The following LASP1 variants were observed in gnomAD, a reference collection of about 807,000 sequenced individuals.
LASP1 encodes the protein LIM and SH3 protein 1, also known as LIM and SH3 domain protein 1.
In LASP1, 10 loss-of-function variants were observed where a neutral mutation model predicts 38.6. The observed-to-expected ratio is 0.26, with a 90% CI of 0.16 to 0.44. The LOEUF is 0.44. Ranked by LOEUF, LASP1 falls within the 20% of genes least tolerant of loss-of-function variation. The pLI is 1.00. For synonymous variants in LASP1, 132 were observed against 140.8 expected (o/e 0.94, Z 0.44); for missense variants, 243 against 375.7 (o/e 0.65, Z 2.92).
intron 6 of LASP1, among the ~76,000 whole-genome samples, chr17:38,917,174 C>G (rs953220217): frequency 1.3e-5 from 2 of 152,088 alleles, no homozygotes; most frequent in Non-Finnish European, 1.5e-5. Flanking sequence ...GCAGGGAGAC[C>G]GTCAGGAGGC....
chr17:38,882,594 G>A (rs1261989331), intron 2 of LASP1, among the ~76,000 whole-genome samples: 2 of 152,214 alleles, frequency 1.3e-5, no homozygotes, highest in Non-Finnish European at 2.9e-5. Context: ...CCTGCTCTTG[G>A]TGAGAGAGAT....
chr17:38,917,683 G>T (rs964161008), intron 6 of LASP1, among the ~76,000 whole-genome samples: 15 of 148,074 alleles, frequency 1.0e-4, no homozygotes, highest in Admixed American at 3.4e-4. Flanking sequence ...TGTTTTTTCT[G>T]TTTTTTTTTT....
Position 38,870,378 on chromosome 17 carries a change from G to C in LASP1, c.69+120G>C. On this transcript the variant is annotated intron_variant, in intron 1 of 6. Transcript: ENST00000318008. ...CGCGATCCCAGGAGAATGGAGGGAG[G>C]GCGAGCGGGCGGTGTCATGGGGTGT... 2.6e-6 allele frequency: 3 copies of C among 1,148,004 alleles called. No individual in the cohort carries two copies. The East Asian group carries it at 7.8e-5, about 30-fold the overall frequency. 71.1% of individuals were successfully genotyped at this position (1,148,004 alleles called of 1,614,324 possible). A position where few individuals can be genotyped will look rare whatever the true frequency, so the allele number is the denominator to read the frequency against.
At chr17:38,906,330 T>C (rs28715096) in intron 4 of LASP1, among the ~76,000 whole-genome samples, 10,207 of 151,560 alleles carry the variant, frequency 0.067, 895 homozygotes, top group African/African-American at 0.2. Flanking sequence ...GAGTTTGAGA[T>C]CAGCCTGACC....
intron 2 of LASP1, among the ~76,000 whole-genome samples, chr17:38,883,573 C>G (rs1257568181): frequency 6.6e-6 from 1 of 152,046 alleles, no homozygotes; most frequent in African/African-American, 2.4e-5. Context: ...AGGTAGCCCT[C>G]CCACCTCACT....
chr17:38,870,102 T>C lies in LASP1; in HGVS notation c.-88T>C. The C allele has an allele frequency of 6.9e-7, 1 of 1,453,598 alleles. No homozygotes were observed. The highest frequency in any genetic ancestry group is 9.5e-7 in the Non-Finnish European group (1 of 1,049,552). 90.0% of individuals were successfully genotyped at this position (1,453,598 alleles called of 1,614,324 possible). The stretch of plus-strand genomic sequence containing the variant: ...CCGCCGTCGCTGCTGCCTGTGTAGT[T>C]GCAGCCGCGGCCGCCTCCCGCCAGC... On this transcript the variant is annotated 5_prime_UTR_variant, in exon 1 of 7. Coordinates refer to ENST00000318008, the MANE Select transcript of LASP1 (RefSeq NM_006148.4).
chr17:38,914,027 C>T (rs564912638), intron 4 of LASP1, among the ~76,000 whole-genome samples: 227 of 151,506 alleles, frequency 1.5e-3, no homozygotes, highest in African/African-American at 5.4e-3. Context: ...AGAAAAGGGA[C>T]CACTCACTTT....
Position 38,900,671 on chromosome 17 carries a change from C to CA in LASP1, c.357+2161dup, listed in dbSNP as rs997462309. ...CTGGCGACAGAGCAAGACTCCATCT[C>CA]AAAAAAAAACCAAAAAGATGCTGGT... On this transcript the variant is annotated intron_variant, in intron 4 of 6. Transcript: ENST00000318008. 6.6e-5 allele frequency among the ~76,000 whole-genome samples: 10 copies of CA among 150,788 alleles called. No homozygotes were observed. The East Asian group carries it at 7.8e-4, about 12-fold the overall frequency.
intron 2 of LASP1, 52 bp from the exon 3 acceptor site, chr17:38,890,368 G>C: frequency 6.5e-7 from 1 of 1,534,976 alleles, no homozygotes; most frequent in Non-Finnish European, 9.0e-7. Context: ...AAGCCCAGAG[G>C]CTCCTGCCCC....
intron 4 of LASP1, among the ~76,000 whole-genome samples, chr17:38,910,183 A>G (rs1914894538): frequency 6.6e-6 from 1 of 152,276 alleles, no homozygotes; most frequent in East Asian, 1.9e-4. Flanking sequence ...TTTAACCAAT[A>G]GGAGTATGCC....
chr17:38,894,212 G>C (rs1336258431), intron 3 of LASP1, among the ~76,000 whole-genome samples: 1 of 152,128 alleles, frequency 6.6e-6, no homozygotes. Context: ...GTGGCTTTGG[G>C]GTGGGACTGA....
Position 38,890,429 on chromosome 17 carries a change from C to T in LASP1, c.174C>T (p.Pro58=), listed in dbSNP as rs148680890. The T allele has an allele frequency of 3.7e-5, 59 of 1,614,060 alleles. No homozygotes were observed. In the African/African-American group the frequency reaches 7.1e-4, roughly 19 times the overall value. ...TTTTTCTGTCCTGCAGACACTACCCCAAGCAGTCCTTCACCATGGTGGCGG... is the reference window on the plus strand; with the variant it reads ...TTTTTCTGTCCTGCAGACACTACCCTAAGCAGTCCTTCACCATGGTGGCGG... ...EKKPYCNAHY[P]KQSFTMVADT... The change falls in exon 3 of 7, where the codon CCC becomes CCT. Residue 58 remains proline, a synonymous_variant. Transcript: ENST00000318008.
intron 6 of LASP1, chr17:38,915,383 G>A: frequency 2.5e-6 from 1 of 392,720 alleles, no homozygotes; most frequent in Non-Finnish European, 4.7e-6. Context: ...ACCCTGCTTT[G>A]GGTGGGGTTT....
intron 4 of LASP1, among the ~76,000 whole-genome samples, chr17:38,909,608 AAAAAAAAAAAG>A (rs1914872401): frequency 6.7e-6 from 1 of 148,594 alleles, no homozygotes; most frequent in Non-Finnish European, 1.5e-5. Flanking sequence ...CTCCATCTCA[AAAAAAAAAAAG>A]AAAGAAAAGT....
At chr17:38,905,385 G>A (rs1914747804) in intron 4 of LASP1, among the ~76,000 whole-genome samples, 1 of 151,904 alleles carries the variant, frequency 6.6e-6, no homozygotes, top group Non-Finnish European at 1.5e-5. Context: ...AAAATTAGCC[G>A]GGTGTGGTGG....
At chr17:38,915,475 A>G in intron 6 of LASP1, 1 of 201,386 alleles carries the variant, frequency 5.0e-6, no homozygotes, top group African/African-American at 2.3e-5. Flanking sequence ...TCCTCGCTTC[A>G]TGAGGATGGC....
chr17:38,876,382 A>AT (rs1913777658), intron 1 of LASP1, among the ~76,000 whole-genome samples: 1 of 149,978 alleles, frequency 6.7e-6, no homozygotes, highest in South Asian at 2.1e-4. Context: ...TATTTTTGAG[A>AT]TTAAGTCTCG....
chr17:38,889,570 G>A (rs1914245680), intron 2 of LASP1, among the ~76,000 whole-genome samples: 2 of 152,188 alleles, frequency 1.3e-5, no homozygotes, highest in South Asian at 4.2e-4. Context: ...ATAGGTCATA[G>A]GTCAAAAAGC....
intron 1 of LASP1, among the ~76,000 whole-genome samples, chr17:38,875,090 A>ATGTGTGTGTGTGTGTGTGT (rs1567694260): frequency 0.052 from 6,343 of 121,354 alleles, 408 homozygotes; most frequent in South Asian, 0.23. Context: ...TGTGTGTGTG[A>ATGTGTGTGTGTGTGTGTGT]GAAAGTGGGT....
Sources: gnomAD v4.1 joint callset for allele counts (sites outside exome capture counted in the v4.1 genomes callset) on GRCh38, gnomAD v4.1.1 for gene constraint, MANE v1.5 for transcripts, NCBI Gene and HGNC (gene_info 2026-07-23, HGNC 2026-07-21) for gene names.